Variants in RNF130 observed in about 807,000 individuals in gnomAD.
RNF130 encodes E3 ubiquitin-protein ligase RNF130.
A neutral mutation model predicts 44.6 loss-of-function variants in RNF130; 21 were observed. That is an observed-to-expected ratio of 0.47 (90% CI 0.33 to 0.68). The LOEUF (loss-of-function observed/expected upper bound fraction) is 0.68. Among genes scored for constraint, RNF130 ranks in the 30% least tolerant of loss-of-function variants. RNF130 has a pLI of 0.02. For missense variants in RNF130, 479 were observed against 560.6 expected (o/e 0.85, Z 1.47); for synonymous variants, 214 against 210.4 (o/e 1.02, Z -0.15).
intron 8 of RNF130, 123 bp downstream of exon 8, chr5:179,963,348 G>T: frequency 1.4e-6 from 1 of 693,502 alleles, no homozygotes; most frequent in Non-Finnish European, 2.6e-6. Context: ...TGCTAGATAC[G>T]ATCCCATCAG....
Position 179,925,909 on chromosome 5 carries a change from G to C in RNF130, c.1151-5483C>G, listed in dbSNP as rs1761701617. On this transcript the variant is annotated intron_variant, in intron 7 of 7. Coordinates refer to the RNF130 transcript ENST00000522208. Reference sequence around the variant, plus strand: ...TATAGACGGAGAACGTGCCTCAAAGGAGGCTGCATGAGGCACAGTAGACAT... The same window carrying C: ...TATAGACGGAGAACGTGCCTCAAAGCAGGCTGCATGAGGCACAGTAGACAT... Among the ~76,000 whole-genome samples, 4 of 152,198 alleles carry C rather than the reference G, an allele frequency of 2.6e-5. No homozygotes were observed. In the South Asian group the frequency reaches 8.3e-4, roughly 31 times the overall value.
chr5:179,953,037 G>A (rs1762150476), downstream of RNF130, among the ~76,000 whole-genome samples: 1 of 152,092 alleles, frequency 6.6e-6, no homozygotes, highest in East Asian at 1.9e-4. Flanking sequence ...ATCCAGATTG[G>A]AAAGGAAGAA....
At chr5:180,016,520 C>T (rs1358813480) in intron 2 of RNF130, among the ~76,000 whole-genome samples, 1 of 152,242 alleles carries the variant, frequency 6.6e-6, no homozygotes, top group Non-Finnish European at 1.5e-5. Context: ...ACGGATGCGG[C>T]CACGCTCCCA....
chr5:179,979,478 GAC>G (rs1443592757), intron 4 of RNF130, among the ~76,000 whole-genome samples: 1 of 152,036 alleles, frequency 6.6e-6, no homozygotes, highest in Non-Finnish European at 1.5e-5. Context: ...TGGGGCAGGA[GAC>G]AGTTTTCGTT....
At chr5:179,970,552 C>CT (rs751054733) in intron 5 of RNF130, 46 bp from the exon 6 acceptor site, 9 of 1,417,788 alleles carry the variant, frequency 6.3e-6, no homozygotes, top group African/African-American at 1.4e-5. Context: ...TACCAAGAAA[C>CT]TTATTAGGCC....
At chr5:179,918,988 A>G (rs1228496256) in exon 8 of RNF130, 2 of 152,224 alleles carry the variant, frequency 1.3e-5, no homozygotes. Context: ...GGATTCACGC[A>G]TCTGCTTCGT....
At chr5:179,983,300 C>A (rs1185362989) in intron 3 of RNF130, among the ~76,000 whole-genome samples, 1 of 146,698 alleles carries the variant, frequency 6.8e-6, no homozygotes, top group African/African-American at 2.5e-5. Context: ...AGGGTTCTGA[C>A]TCATTTTGTG....
Position 180,029,444 on chromosome 5 carries a change from GA to G in RNF130, c.442+11008del, listed in dbSNP as rs557987388. Among the ~76,000 whole-genome samples the G allele has an allele frequency of 7.1e-4, 108 of 152,108 alleles. 1 individual carries two copies. The highest frequency in any genetic ancestry group is 3.4e-3 in the Middle Eastern group (1 of 294). On this transcript the variant is annotated intron_variant, in intron 2 of 8. Coordinates refer to ENST00000521389, the MANE Select transcript of RNF130 (RefSeq NM_018434.6). ...GGGCAACAGCCTAGAAGTTCAAAGG[GA>G]AAACAGAAAGTGCTCAAAGAAAAAG... is the stretch of plus-strand genomic sequence containing the variant.
chr5:179,986,926 ACTG>A (rs1322082584), intron 3 of RNF130, among the ~76,000 whole-genome samples: 2 of 152,132 alleles, frequency 1.3e-5, no homozygotes, highest in African/African-American at 4.8e-5. Flanking sequence ...TGCAAATAGG[ACTG>A]CTTTCTTGAT....
In RNF130 at chr5:179,980,129, C is replaced by T. The variant is rs1462357465; in HGVS notation, c.765G>A (p.Lys255=). The T allele has an allele frequency of 6.2e-7, 1 of 1,613,792 alleles. No individual in the cohort carries two copies. Among genetic ancestry groups the T allele is most frequent in the Non-Finnish European group, 8.5e-7 (1 of 1,179,744 alleles). The part of the protein sequence containing the change: ...LTTRTVKKGD[K]ETDPDFDHCA... ...TGCTGAAGTTGTTTCATGACTGTAC[C>T]TTGTCACCCTTCTTTACTGTCCTGG... is the stretch of plus-strand genomic sequence containing the variant. The change falls in exon 4 of 9, where the codon AAG becomes AAA. Residue 255 remains lysine (K), a splice_region_variant and synonymous_variant. Coordinates refer to ENST00000521389, the MANE Select transcript of RNF130 (RefSeq NM_018434.6).
intron 3 of RNF130, among the ~76,000 whole-genome samples, chr5:179,990,645 A>G (rs495267): frequency 0.78 from 118,762 of 152,102 alleles, 47,284 homozygotes; most frequent in African/African-American, 0.93. Context: ...TGGCACTGAC[A>G]GCTACCGCTA....
intron 3 of RNF130, among the ~76,000 whole-genome samples, chr5:179,996,159 G>A (rs1197063185): frequency 1.3e-5 from 2 of 152,156 alleles, no homozygotes; most frequent in African/African-American, 2.4e-5. Context: ...TTTCCTTGCA[G>A]ACGTTTCACC....
chr5:179,926,310 T>A (rs1436520347), intron 7 of RNF130, among the ~76,000 whole-genome samples: 1 of 152,208 alleles, frequency 6.6e-6, no homozygotes, highest in Non-Finnish European at 1.5e-5. Context: ...TTTTCCTTTT[T>A]CTGACACGTC....
chr5:180,003,223 G>A (rs970957548), intron 3 of RNF130, among the ~76,000 whole-genome samples: 1 of 152,116 alleles, frequency 6.6e-6, no homozygotes, highest in Non-Finnish European at 1.5e-5. Context: ...GGCACGAAGA[G>A]GGGGGTTTGA....
chr5:179,920,132 A>G (rs1761606467), exon 8 of RNF130: 5 of 537,780 alleles, frequency 9.3e-6, no homozygotes, highest in South Asian at 5.2e-5. Flanking sequence ...CACCTGGGCA[A>G]TGCTACTGTC....
In RNF130 at chr5:179,930,205, C is replaced by G. The variant is rs61701033; in HGVS notation, c.1151-9779G>C. On this transcript the variant is annotated intron_variant, in intron 7 of 7. Transcript: ENST00000522208. The stretch of plus-strand genomic sequence containing the variant: ...CCCGAGTAGCTGGGATTACAGGCAT[C>G]TGCCACCACACCCGGCTAATTTTTG... Among the ~76,000 whole-genome samples, 61 of 152,112 alleles carry G rather than the reference C, an allele frequency of 4.0e-4. No homozygotes were observed. In the East Asian group the frequency reaches 9.5e-3, roughly 24 times the overall value.
downstream of RNF130, among the ~76,000 whole-genome samples, chr5:179,951,590 G>A (rs1315746709): frequency 2.0e-5 from 3 of 152,042 alleles, no homozygotes; most frequent in African/African-American, 7.2e-5. Flanking sequence ...TCACCGTGTT[G>A]GCCAGGATGG....
At chr5:179,938,645 A>G (rs1015345331) in intron 7 of RNF130, among the ~76,000 whole-genome samples, 8 of 152,340 alleles carry the variant, frequency 5.3e-5, no homozygotes, top group Admixed American at 3.9e-4. Context: ...TAAGCTTAAC[A>G]TTATATATTT....
At chr5:179,970,330 T>C (rs995374137) in intron 6 of RNF130, 80 bp downstream of exon 6, 87 of 1,064,938 alleles carry the variant, frequency 8.2e-5, no homozygotes, top group African/African-American at 3.1e-4. Flanking sequence ...ATGCCTCCTA[T>C]TATGCCAATT....
Sources: gnomAD v4.1 joint callset for allele counts (sites outside exome capture counted in the v4.1 genomes callset) on GRCh38, gnomAD v4.1.1 for gene constraint, MANE v1.5 for transcripts, NCBI Gene and HGNC (gene_info 2026-07-23, HGNC 2026-07-21) for gene names.